Variants in CPLANE2 observed in about 807,000 individuals in gnomAD.
CPLANE2 encodes the protein ciliogenesis and planar polarity effector complex subunit 2, also known as ciliogenesis and planar polarity effector 2.
Under a neutral mutation model 20.9 loss-of-function variants are expected in CPLANE2, and 24 were observed. That is an observed-to-expected ratio of 1.15 (90% CI 0.83 to 1.61). The LOEUF (loss-of-function observed/expected upper bound fraction) is 1.61. Among genes scored for constraint, CPLANE2 ranks in the 40% most tolerant of loss-of-function variants. CPLANE2 has a pLI of 0.00. For missense variants in CPLANE2, 330 were observed against 355.1 expected (o/e 0.93, Z 0.57); for synonymous variants, 132 against 144.3 (o/e 0.92, Z 0.61).
At chr1:16,232,673 G>A (rs767413319) in intron 3 of CPLANE2, 27 bp from the exon 4 acceptor site, 23 of 1,612,752 alleles carry the variant, frequency 1.4e-5, no homozygotes, top group Non-Finnish European at 1.9e-5. Context: ...ATATAACCAT[G>A]TCACCCCCCA....
At chr1:16,236,523 C>G in intron 1 of CPLANE2, 108 bp downstream of exon 1, 2 of 826,196 alleles carry the variant, frequency 2.4e-6, no homozygotes, top group East Asian at 5.4e-5. Context: ...TGCAGTGGAG[C>G]AGGCCCTCAC....
chr1:16,232,897 AG>A lies in CPLANE2; in HGVS notation c.385del (p.Leu129CysfsTer33). ...CAGGCCCACATGCCTGCTCACCAGC[AG>A]CATATGATCGAACTTTTTGAGTGCA... Reference protein sequence around the residue: ...ESALKKFDHMLLACMENTDAF... With the variant: ...ESALKKFDHMXLACMENTDAF... On this transcript the variant is annotated frameshift_variant, in exon 3 of 5. Coordinates refer to ENST00000375599, the MANE Select transcript of CPLANE2 (RefSeq NM_030907.4). LOFTEE classifies it high-confidence loss of function. 1 of 1,614,124 alleles carries A rather than the reference AG, an allele frequency of 6.2e-7. No homozygotes were observed. Among genetic ancestry groups the A allele is most frequent in the Non-Finnish European group, 8.5e-7 (1 of 1,179,998 alleles).
In CPLANE2 at chr1:16,232,905, A is replaced by T. The variant is rs1407874851; in HGVS notation, c.378T>A (p.Asp126Glu). Residue 126 changes from aspartate (D) to glutamate (E), a missense_variant, in exon 3 of 5, where the codon GAT becomes GAA. Asp to Glu is a conservative substitution (Grantham distance 45). Coordinates refer to ENST00000375599, the MANE Select transcript of CPLANE2 (RefSeq NM_030907.4). ...DCGESALKKF[D>E]HMLLACMENT... The stretch of plus-strand genomic sequence containing the variant: ...CATGCCTGCTCACCAGCAGCATATG[A>T]TCGAACTTTTTGAGTGCAGACTCTC... The T allele has an allele frequency of 1.9e-6, 3 of 1,614,146 alleles. No homozygotes were observed. In the South Asian group the frequency reaches 3.3e-5, roughly 18 times the overall value.
At position 16,233,004 on chromosome 1, in the gene CPLANE2, G is replaced by C. The variant is rs772140640; in HGVS notation, c.279C>G (p.Thr93=). Reference sequence around the variant, plus strand: ...GCAGCTTGGCTGGCCAAAATACCACGGTGGTCTGGATGCCTGAGGGGGAGC... The same window carrying C: ...GCAGCTTGGCTGGCCAAAATACCACCGTGGTCTGGATGCCTGAGGGGGAGC... ...VHHETTGIQT[T]VVFWPAKLQA... is the part of the protein sequence containing the mutation. The change falls in exon 3 of 5, where the codon ACC becomes ACG. Residue 93 remains threonine, a synonymous_variant. Transcript: ENST00000375599. The C allele has an allele frequency of 2.5e-6, 4 of 1,614,154 alleles. No individual in the cohort carries two copies. The highest frequency in any genetic ancestry group is 3.4e-6 in the Non-Finnish European group (4 of 1,180,012).
At chr1:16,233,104 T>A in intron 2 of CPLANE2, 87 bp from the exon 3 acceptor site, 1 of 1,445,214 alleles carries the variant, frequency 6.9e-7, no homozygotes, top group Non-Finnish European at 9.6e-7. Context: ...GAAGAAGAGA[T>A]ACATCCCTGC....
At chr1:16,232,356 G>A (rs2081427563) in intron 4 of CPLANE2, 59 bp from the exon 5 acceptor site, 4 of 1,542,050 alleles carry the variant, frequency 2.6e-6, no homozygotes, top group Admixed American at 1.9e-5. Flanking sequence ...ATCAGACCCT[G>A]CCTCTCCCTC....
At position 16,233,614 on chromosome 1, in the gene CPLANE2, G is replaced by T; in HGVS notation, c.263C>A (p.Thr88Asn). The T allele has an allele frequency of 6.2e-7, 1 of 1,614,040 alleles. No individual in the cohort carries two copies. The highest frequency in any genetic ancestry group is 8.5e-7 in the Non-Finnish European group (1 of 1,180,006). ...LEVPVVHHETTGIQTTVVFWP... is the reference protein window; with the variant it reads ...LEVPVVHHETNGIQTTVVFWP... ...CAAAGGATAGAGGTCCCACTCACCG[G>T]TGGTCTCGTGGTGCACCACAGGCAC... The change falls in exon 2 of 5, where the codon ACC becomes AAC. Residue 88 changes from threonine to asparagine, a missense_variant and splice_region_variant. Transcript: ENST00000375599.
At chr1:16,232,861 C>A in intron 3 of CPLANE2, 32 bp downstream of exon 3, 1 of 1,612,974 alleles carries the variant, frequency 6.2e-7, no homozygotes, top group Non-Finnish European at 8.5e-7. Flanking sequence ...CGGCCCCTGG[C>A]AGAACCCACC....
Position 16,232,270 on chromosome 1 carries a change from C to T in CPLANE2, c.555G>A (p.Val185=), listed in dbSNP as rs1171709046. 6.2e-7 allele frequency: 1 copy of T among 1,609,004 alleles called. No homozygotes were observed. Among genetic ancestry groups the T allele is most frequent in the Middle Eastern group, 1.7e-4 (1 of 6,050 alleles). The change falls in exon 5 of 5, where the codon GTG becomes GTA. Residue 185 remains valine (V), a synonymous_variant. Transcript: ENST00000375599. The stretch of plus-strand genomic sequence containing the variant: ...GGAAGGCTGTGAGGTCCCGCTCGGG[C>T]ACGTCCGTGTGCATGTACTGGTCAA... The part of the protein sequence containing the change: ...SKFDQYMHTD[V]PERDLTAFRQ...
intron 4 of CPLANE2, 50 bp downstream of exon 4, chr1:16,232,460 G>A: frequency 6.2e-7 from 1 of 1,601,328 alleles, no homozygotes; most frequent in South Asian, 1.1e-5. Context: ...GCAGAGGCTG[G>A]GCCCCTGACC....
Position 16,233,737 on chromosome 1 carries a change from G to A in CPLANE2, c.140C>T (p.Pro47Leu), listed in dbSNP as rs202049255. ...FGLLERPVLL[P>L]PVSIDTASYK... ...GCTGGCAGTGTCAATGGACACAGGC[G>A]GCAGCAGCACTGGCCGCTCAAGCAG... Residue 47 changes from proline to leucine, a missense_variant, in exon 2 of 5, where the codon CCG becomes CTG. Coordinates refer to ENST00000375599, the MANE Select transcript of CPLANE2 (RefSeq NM_030907.4). 55 of 1,614,102 alleles carry A rather than the reference G, an allele frequency of 3.4e-5. No individual in the cohort carries two copies. The highest frequency in any genetic ancestry group is 1.6e-4 in the Middle Eastern group (1 of 6,062).
rs2081470927 is a variant in CPLANE2 at position 16,237,022 on chromosome 1, C to CCGACT, written c.-285_-281dup. 1 of 319,378 alleles carries CCGACT rather than the reference C, an allele frequency of 3.1e-6. No homozygotes were observed. Among genetic ancestry groups the CCGACT allele is most frequent in the Non-Finnish European group, 6.0e-6 (1 of 167,540 alleles). The allele number at this position is 319,378 out of a possible 1,614,324, so 19.8% of individuals were successfully genotyped here. On this transcript the variant is annotated 5_prime_UTR_variant, in exon 1 of 5. Coordinates refer to ENST00000375599, the MANE Select transcript of CPLANE2 (RefSeq NM_030907.4). ...CCGCTTCTCCTCTACCTTCTAGATC[C>CCGACT]CGACTCCCAGGGCTACCTAGCCCTC...
intron 1 of CPLANE2, among the ~76,000 whole-genome samples, chr1:16,234,499 T>A (rs996453984): frequency 2.0e-5 from 3 of 152,214 alleles, no homozygotes; most frequent in Admixed American, 1.3e-4. Context: ...CCCCATCAGA[T>A]CCTGGGCTGG....
intron 2 of CPLANE2, 142 bp from the exon 3 acceptor site, chr1:16,233,159 C>G: frequency 1.1e-6 from 1 of 927,872 alleles, no homozygotes; most frequent in Admixed American, 2.5e-5. Flanking sequence ...GTCCTTGACC[C>G]GGGATAATTC....
Position 16,233,035 on chromosome 1 carries a change from T to C in CPLANE2, c.266-18A>G, listed in dbSNP as rs1569776144. 6.2e-7 allele frequency: 1 copy of C among 1,613,758 alleles called. No homozygotes were observed. Among genetic ancestry groups the C allele is most frequent in the Non-Finnish European group, 8.5e-7 (1 of 1,179,884 alleles). On this transcript the variant is annotated intron_variant, in intron 2 of 4. Transcript: ENST00000375599. ...CTGGATGCCTGAGGGGGAGCCAGGG[T>C]CAGCCACTCACCATGGGAGAGGTGG...
At position 16,231,895 on chromosome 1, in the gene CPLANE2, C is replaced by T. The variant is rs1326191921; in HGVS notation, c.*153G>A. ...CCTGCCATGAATTCTGCAAGGAAAG[C>T]GCTGCTCGCGGGTGGGCCTTCTCTG... is the stretch of plus-strand genomic sequence containing the variant. On this transcript the variant is annotated 3_prime_UTR_variant, in exon 5 of 5. Coordinates refer to ENST00000375599, the MANE Select transcript of CPLANE2 (RefSeq NM_030907.4). The T allele has an allele frequency of 1.8e-6, 2 of 1,098,620 alleles. No homozygotes were observed. The highest frequency in any genetic ancestry group is 1.6e-5 in the African/African-American group (1 of 63,878). 68.1% of individuals were successfully genotyped at this position (1,098,620 alleles called of 1,614,324 possible).
chr1:16,233,807 G>C, intron 1 of CPLANE2, 43 bp from the exon 2 acceptor site: 2 of 1,609,958 alleles, frequency 1.2e-6, no homozygotes, highest in Non-Finnish European at 1.7e-6. Flanking sequence ...GGGTGCTGTG[G>C]TTTGAAGGTG....
Position 16,232,149 on chromosome 1 carries a change from C to T in CPLANE2, c.676G>A (p.Asp226Asn), listed in dbSNP as rs746095494. 1.6e-5 allele frequency: 26 copies of T among 1,613,300 alleles called. No individual in the cohort carries two copies. Among genetic ancestry groups the T allele is most frequent in the African/African-American group, 4.0e-5 (3 of 74,930 alleles). Residue 226 changes from aspartate (D) to asparagine (N), a missense_variant, in exon 5 of 5, where the codon GAC becomes AAC. Asp to Asn is a conservative substitution (Grantham distance 23, BLOSUM62 1). Transcript: ENST00000375599. ...RTLDGRAGLA[D>N]VAHILNGLAE... ...AGGCCATTGAGTATGTGGGCAACGT[C>T]GGCCAGCCCAGCCCGCCCGTCCAGT...
chr1:16,234,013 C>T (rs1423529946), intron 1 of CPLANE2, among the ~76,000 whole-genome samples: 1 of 152,228 alleles, frequency 6.6e-6, no homozygotes, highest in Non-Finnish European at 1.5e-5. Context: ...CGGGATGACA[C>T]AGCATGAAGG....
Sources: allele counts gnomAD v4.1 joint callset (sites outside exome capture counted in the v4.1 genomes callset), GRCh38; gene constraint gnomAD v4.1.1; transcripts MANE v1.5; gene names NCBI Gene and HGNC (gene_info 2026-07-23, HGNC 2026-07-21).